Variants in NDUFC1 observed in about 807,000 individuals in gnomAD.
NDUFC1 encodes NADH:ubiquinone oxidoreductase subunit C1, also known as NADH dehydrogenase [ubiquinone] 1 subunit C1, mitochondrial.
In NDUFC1, 11 loss-of-function variants were observed where a neutral mutation model predicts 11.6. The observed-to-expected ratio is 0.95, with a 90% CI of 0.60 to 1.58. The LOEUF (loss-of-function observed/expected upper bound fraction) is 1.58, where lower values mean the gene tolerates loss of function less well. Ranked by LOEUF, NDUFC1 falls within the 40% of genes most tolerant of loss-of-function variation. The pLI, the probability that NDUFC1 is intolerant of heterozygous loss-of-function variation, is 0.00. For synonymous variants in NDUFC1, 52 were observed against 42.2 expected, an observed-to-expected ratio of 1.23 and a Z score of -0.90; for missense variants, 112 against 93.0, an observed-to-expected ratio of 1.20 and a Z score of -0.84.
intron 5 of NDUFC1, among the ~76,000 whole-genome samples, chr4:139,290,460 A>G (rs1298021015): frequency 6.6e-6 from 1 of 151,386 alleles, no homozygotes; most frequent in Non-Finnish European, 1.5e-5. Context: ...TTATCTCTTG[A>G]TTGGCTGATT....
intron 1 of NDUFC1, chr4:139,301,497 G>C: frequency 2.2e-6 from 1 of 448,922 alleles, no homozygotes. Flanking sequence ...CTCCGCGTCC[G>C]CCATTTTGGC....
intron 1 of NDUFC1, chr4:139,301,383 A>C (rs3806765): frequency 2.6e-5 from 11 of 418,396 alleles, no homozygotes; most frequent in African/African-American, 6.2e-5. Context: ...CTCCACAGGC[A>C]GGCCAGCCTC....
In NDUFC1 at chr4:139,295,787, G is replaced by T. The variant is rs1745442627; in HGVS notation, c.12C>A (p.Ser4=). ...GCCGGGAAAGGGGACGCAGCAAGGCGGACGGCGCCATCTTGCGTGGCCCAG... is the reference window on the plus strand; with the variant it reads ...GCCGGGAAAGGGGACGCAGCAAGGCTGACGGCGCCATCTTGCGTGGCCCAG... MAP[S]ALLRPLSRLL... Residue 4 remains serine, a synonymous_variant, in exon 3 of 6, where the codon TCC becomes TCA. Transcript: ENST00000394223. 1 of 1,546,514 alleles carries T rather than the reference G, an allele frequency of 6.5e-7. No individual in the cohort carries two copies. Among genetic ancestry groups the T allele is most frequent in the South Asian group, 1.2e-5 (1 of 83,838 alleles).
At chr4:139,299,584 A>G (rs774722376) in intron 1 of NDUFC1, among the ~76,000 whole-genome samples, 12 of 152,182 alleles carry the variant, frequency 7.9e-5, no homozygotes, top group Admixed American at 6.5e-4. Context: ...TGGGATCTCT[A>G]TTTGTGAAAT....
In NDUFC1 at chr4:139,298,257, T is replaced by A. The variant is rs185050714; in HGVS notation, c.-221-814A>T. Among the ~76,000 whole-genome samples, 391 of 150,436 alleles carry A rather than the reference T, an allele frequency of 2.6e-3. 2 individuals are homozygous for A. Among genetic ancestry groups the A allele is most frequent in the African/African-American group, 8.4e-3 (343 of 40,842 alleles). ...GAGTTCAAGACCAGCCTGACCAACA[T>A]GGAGAAACCCTGTCTCTACTAAAAA... is the stretch of plus-strand genomic sequence containing the variant. On this transcript the variant is annotated intron_variant, in intron 1 of 5. Coordinates refer to ENST00000394223, the MANE Select transcript of NDUFC1 (RefSeq NM_001184989.2).
intron 5 of NDUFC1, among the ~76,000 whole-genome samples, chr4:139,291,730 A>G (rs1453544317): frequency 6.6e-6 from 1 of 152,236 alleles, no homozygotes; most frequent in African/African-American, 2.4e-5. Context: ...AAGATACCAA[A>G]CAGACATTAA....
In NDUFC1 at chr4:139,301,989, T is replaced by A. The variant is rs75503415; in HGVS notation, c.-222+427A>T. The stretch of plus-strand genomic sequence containing the variant: ...AATGCATTGCTTTGCTCCCTCTCTG[T>A]GGTTCCTACTATGGCCCGCGCGCCA... On this transcript the variant is annotated intron_variant, in intron 1 of 5. Coordinates refer to ENST00000394223, the MANE Select transcript of NDUFC1 (RefSeq NM_001184989.2). 4,048 of 742,166 alleles carry A rather than the reference T, an allele frequency of 5.5e-3. 20 individuals are homozygous for A. Among genetic ancestry groups the A allele is most frequent in the Non-Finnish European group, 7.1e-3 (3,381 of 475,600 alleles). 46.0% of individuals were successfully genotyped at this position (742,166 alleles called of 1,614,324 possible). A position where few individuals can be genotyped will look rare whatever the true frequency, so the allele number is the denominator to read the frequency against.
chr4:139,301,266 G>A (rs1745712586), intron 1 of NDUFC1: 2 of 347,788 alleles, frequency 5.8e-6, no homozygotes, highest in African/African-American at 2.1e-5. Flanking sequence ...TGTTTTTGAT[G>A]AGGAGGCGGT....
At chr4:139,290,681 T>C (rs1172352379) in intron 5 of NDUFC1, among the ~76,000 whole-genome samples, 6 of 151,984 alleles carry the variant, frequency 3.9e-5, no homozygotes, top group Non-Finnish European at 7.4e-5. Flanking sequence ...AAAGGATTAA[T>C]ATAGGATTTT....
intron 4 of NDUFC1, among the ~76,000 whole-genome samples, chr4:139,293,078 C>G (rs989417183): frequency 6.6e-6 from 1 of 152,104 alleles, no homozygotes; most frequent in African/African-American, 2.4e-5. Flanking sequence ...CCTCGGCCTC[C>G]CAAAGTGTTG....
chr4:139,296,098 A>G (rs1579064361), intron 2 of NDUFC1, 138 bp from the exon 3 acceptor site: 2 of 439,390 alleles, frequency 4.6e-6, no homozygotes, highest in Non-Finnish European at 8.0e-6. Context: ...GAGCCAGAAG[A>G]AAGAAAAGTG....
rs930291477 is a variant in NDUFC1 at position 139,292,126 on chromosome 4, C to T, written c.*20+404G>A. 4.6e-5 allele frequency among the ~76,000 whole-genome samples: 7 copies of T among 152,240 alleles called. 1 individual carries two copies. In the South Asian group the frequency reaches 6.2e-4, roughly 14 times the overall value. The stretch of plus-strand genomic sequence containing the variant: ...TGCTGGGATTACAGGCGTGAGCCAC[C>T]GCGCCTGGCAGATTTTGGTTTCATT... On this transcript the variant is annotated intron_variant, in intron 5 of 5. Transcript: ENST00000394223.
intron 4 of NDUFC1, among the ~76,000 whole-genome samples, chr4:139,294,532 C>T (rs576963757): frequency 6.6e-6 from 1 of 150,950 alleles, no homozygotes; most frequent in African/African-American, 2.4e-5. Flanking sequence ...GTCAGGAGAT[C>T]GAGACCATCC....
chr4:139,295,630 G>A (rs1266922184), intron 3 of NDUFC1, 102 bp downstream of exon 3: 1 of 1,333,442 alleles, frequency 7.5e-7, no homozygotes, highest in Non-Finnish European at 1.0e-6. Flanking sequence ...GGTCACTGCA[G>A]GACGAACCCG....
chr4:139,295,930 G>A lies in NDUFC1; in HGVS notation c.-132C>T, dbSNP rs895487292. 2 of 848,332 alleles carry A rather than the reference G, an allele frequency of 2.4e-6. No homozygotes were observed. Among genetic ancestry groups the A allele is most frequent in the African/African-American group, 3.6e-5 (2 of 55,888 alleles). The allele number at this position is 848,332 out of a possible 1,614,324, so 52.6% of individuals were successfully genotyped here. Reference sequence around the variant, plus strand: ...TCAACGTGAATTCCAGCACGGCAAGGTTCTCTAGCACCCCGGCCTCAGCCT... The same window carrying A: ...TCAACGTGAATTCCAGCACGGCAAGATTCTCTAGCACCCCGGCCTCAGCCT... On this transcript the variant is annotated 5_prime_UTR_variant, in exon 3 of 6. Coordinates refer to ENST00000394223, the MANE Select transcript of NDUFC1 (RefSeq NM_001184989.2).
rs1182939358 is a variant in NDUFC1, at chr4:139,295,897, T to A, written c.-99A>T. 1.6e-6 allele frequency: 2 copies of A among 1,250,510 alleles called. No homozygotes were observed. The highest frequency in any genetic ancestry group is 3.7e-4 in the Middle Eastern group (2 of 5,346). The allele number at this position is 1,250,510 out of a possible 1,614,324, so 77.5% of individuals were successfully genotyped here. A position where few individuals can be genotyped will look rare whatever the true frequency, so the allele number is the denominator to read the frequency against. The stretch of plus-strand genomic sequence containing the variant: ...TCGAGGGCTCTGCAGCAGAGCTCCG[T>A]GGGGGCGTCAACGTGAATTCCAGCA... On this transcript the variant is annotated 5_prime_UTR_variant, in exon 3 of 6. Transcript: ENST00000394223.
intron 1 of NDUFC1, among the ~76,000 whole-genome samples, chr4:139,299,204 G>A (rs1030089331): frequency 1.3e-5 from 2 of 151,660 alleles, no homozygotes; most frequent in African/African-American, 4.8e-5. Context: ...TCCTGACCTT[G>A]TGATCCGCCC....
chr4:139,298,975 TG>T (rs1391188034), intron 1 of NDUFC1, among the ~76,000 whole-genome samples: 1 of 151,920 alleles, frequency 6.6e-6, no homozygotes, highest in Non-Finnish European at 1.5e-5. Flanking sequence ...GCCTGGCCTA[TG>T]TTTTTTTTTT....
At chr4:139,292,746 C>T (rs971021505) in intron 4 of NDUFC1, 137 bp from the exon 5 acceptor site, 3 of 428,382 alleles carry the variant, frequency 7.0e-6, no homozygotes, top group Admixed American at 4.5e-5. Flanking sequence ...AGTTCAAAAA[C>T]CAGGAATGGT....
Sources: gnomAD v4.1 joint callset for allele counts (sites outside exome capture counted in the v4.1 genomes callset) on GRCh38, gnomAD v4.1.1 for gene constraint, MANE v1.5 for transcripts, NCBI Gene and HGNC (gene_info 2026-07-23, HGNC 2026-07-21) for gene names.